The following TOM1L2 variants were observed in gnomAD, a reference collection of about 807,000 sequenced individuals.
TOM1L2 encodes target of myb1 like 2 membrane trafficking protein.
TOM1L2 carries 31 observed loss-of-function variants against 67.9 expected under a neutral mutation model. The ratio of observed to expected loss-of-function variants is 0.46; its 90% CI spans 0.34 to 0.62. TOM1L2 has a LOEUF of 0.62. Among genes scored for constraint, TOM1L2 ranks in the 20% least tolerant of loss-of-function variants. The probability of loss-of-function intolerance (pLI) is 0.01; values close to 1 mark genes in which losing one functional copy is unlikely to be tolerated. For synonymous variants in TOM1L2, 256 were observed against 254.0 expected (o/e 1.01, Z -0.07); for missense variants, 606 against 663.5 (o/e 0.91, Z 0.95).
intron 1 of TOM1L2, among the ~76,000 whole-genome samples, chr17:17,920,399 G>A (rs1019981562): frequency 5.6e-5 from 8 of 141,954 alleles, no homozygotes; most frequent in Non-Finnish European, 9.0e-5. Context: ...GGAGTGCAGT[G>A]GTACAATCTC....
intron 1 of TOM1L2, among the ~76,000 whole-genome samples, chr17:17,947,710 T>C (rs1333295696): frequency 1.3e-5 from 2 of 152,212 alleles, no homozygotes; most frequent in Non-Finnish European, 2.9e-5. Flanking sequence ...CTTTTAAAAA[T>C]AGGACTTCTA....
At chr17:17,856,764 T>C (rs2036273300) in intron 12 of TOM1L2, among the ~76,000 whole-genome samples, 1 of 152,212 alleles carries the variant, frequency 6.6e-6, no homozygotes, top group African/African-American at 2.4e-5. Flanking sequence ...GAAATGGTCA[T>C]CCCAAGACAT....
At chr17:17,948,576 C>T (rs1598392200) in intron 1 of TOM1L2, among the ~76,000 whole-genome samples, 1 of 152,220 alleles carries the variant, frequency 6.6e-6, no homozygotes. Flanking sequence ...GACTTGAACC[C>T]GGGAGGTGGA....
At chr17:17,925,910 C>A (rs1219238679) in intron 1 of TOM1L2, among the ~76,000 whole-genome samples, 1 of 150,860 alleles carries the variant, frequency 6.6e-6, no homozygotes, top group Non-Finnish European at 1.5e-5. Context: ...GTGCCTCATG[C>A]CCATAATCCC....
At position 17,897,810 on chromosome 17, in the gene TOM1L2, G is replaced by A. The variant is rs116437711; in HGVS notation, c.216+786C>T. Among the ~76,000 whole-genome samples the A allele has an allele frequency of 7.6e-3, 1,151 of 152,228 alleles. 14 individuals are homozygous for A. The highest frequency in any genetic ancestry group is 0.027 in the African/African-American group (1,105 of 41,524). ...TGAGCCTCAGTTTCATCATCTGTAC[G>A]GGGGAGGATAGTAAAATCTCTTTTG... On this transcript the variant is annotated intron_variant, in intron 3 of 14. Transcript: ENST00000379504.
At chr17:17,966,011 C>T (rs527614673) in intron 1 of TOM1L2, among the ~76,000 whole-genome samples, 8 of 152,234 alleles carry the variant, frequency 5.3e-5, no homozygotes, top group African/African-American at 1.9e-4. Flanking sequence ...ATCCCAGCTA[C>T]TTGGGAGGCT....
intron 1 of TOM1L2, among the ~76,000 whole-genome samples, chr17:17,922,959 C>A (rs1483231460): frequency 6.6e-6 from 1 of 152,120 alleles, no homozygotes; most frequent in African/African-American, 2.4e-5. Context: ...GGCCAGGCAC[C>A]AACTAGCCTG....
chr17:17,908,244 T>C (rs1053795541), intron 1 of TOM1L2, among the ~76,000 whole-genome samples: 1 of 152,164 alleles, frequency 6.6e-6, no homozygotes, highest in Non-Finnish European at 1.5e-5. Context: ...GAAAATTGGA[T>C]TGCCACATGC....
intron 1 of TOM1L2, among the ~76,000 whole-genome samples, chr17:17,919,424 A>G (rs887745172): frequency 6.6e-6 from 1 of 152,156 alleles, no homozygotes; most frequent in Non-Finnish European, 1.5e-5. Flanking sequence ...AAACCCTGGG[A>G]GCTCTAGCTT....
intron 2 of TOM1L2, among the ~76,000 whole-genome samples, chr17:17,901,296 G>C (rs1187070398): frequency 1.3e-5 from 2 of 152,228 alleles, no homozygotes; most frequent in African/African-American, 4.8e-5. Context: ...AGAGACAGAA[G>C]CATGTGTCAA....
intron 1 of TOM1L2, among the ~76,000 whole-genome samples, chr17:17,937,649 GAC>G (rs1341626454): frequency 3.9e-5 from 6 of 152,164 alleles, no homozygotes; most frequent in Non-Finnish European, 1.5e-5. Context: ...TTCTAAGGCT[GAC>G]AAACTGCTCA....
intron 1 of TOM1L2, among the ~76,000 whole-genome samples, chr17:17,952,596 T>C (rs12943087): frequency 6.6e-6 from 1 of 152,046 alleles, no homozygotes; most frequent in Non-Finnish European, 1.5e-5. Context: ...GGTCTTACTG[T>C]GTTGCCTAGG....
rs1261020499 is a variant in TOM1L2, at chr17:17,862,770, G to T, written c.1163C>A (p.Ala388Asp). The T allele has an allele frequency of 1.2e-6, 2 of 1,614,024 alleles. No individual in the cohort carries two copies. The highest frequency in any genetic ancestry group is 1.7e-6 in the Non-Finnish European group (2 of 1,180,032). Residue 388 changes from alanine (A) to aspartate (D), a missense_variant, in exon 11 of 15, where the codon GCC becomes GAC. Physicochemically the swap from Ala to Asp is moderately radical, Grantham distance 126. Coordinates refer to ENST00000379504, the MANE Select transcript of TOM1L2 (RefSeq NM_001082968.2). ...CNPRDGFDMF[A>D]QTRGNSLAEQ... ...AGCCAAGGAGTTTCCTCTCGTCTGG[G>T]CAAACATGTCAAAGCCGTCACGGGG...
At chr17:17,894,971 A>ATGCATGCATGCATGCATG (rs1482198508) in intron 3 of TOM1L2, among the ~76,000 whole-genome samples, 2 of 65,830 alleles carry the variant, frequency 3.0e-5, no homozygotes, top group Non-Finnish European at 1.2e-4. Context: ...ATACATACAT[A>ATGCATGCATGCATGCATG]CATACATGCA....
Position 17,884,738 on chromosome 17 carries a change from C to G in TOM1L2, c.397G>C (p.Asp133His). 5.0e-6 allele frequency: 8 copies of G among 1,613,768 alleles called. No individual in the cohort carries two copies. The highest frequency in any genetic ancestry group is 6.8e-6 in the Non-Finnish European group (8 of 1,180,038). The change falls in exon 5 of 15, where the codon GAT becomes CAT. Residue 133 changes from aspartate (D) to histidine (H), a missense_variant. Physicochemically the swap from Asp to His is moderately conservative, Grantham distance 81. Around this residue, in one of 2 missense-constraint regions of TOM1L2, gnomAD observed 543 missense variants for 554.0 expected, o/e 0.98. Transcript: ENST00000379504. Reference sequence around the variant, plus strand: ...TATATGTGCACAACGCCGGTGAGATCAGGACTGCTTCGAAAGGCATCAGCC... The same window carrying G: ...TATATGTGCACAACGCCGGTGAGATGAGGACTGCTTCGAAAGGCATCAGCC... ...AWADAFRSSP[D>H]LTGVVHIYEE...
chr17:17,892,342 C>G (rs920618622), intron 4 of TOM1L2, among the ~76,000 whole-genome samples: 1 of 152,196 alleles, frequency 6.6e-6, no homozygotes, highest in African/African-American at 2.4e-5. Context: ...CTTGCTGGAG[C>G]CCCACGCCCA....
At chr17:17,905,881 C>T (rs1197636478) in intron 2 of TOM1L2, among the ~76,000 whole-genome samples, 1 of 152,078 alleles carries the variant, frequency 6.6e-6, no homozygotes. Flanking sequence ...ATCTGGGTCC[C>T]CAGTATGTCG....
At chr17:17,949,518 GA>G (rs1292947766) in intron 1 of TOM1L2, among the ~76,000 whole-genome samples, 2 of 152,242 alleles carry the variant, frequency 1.3e-5, no homozygotes, top group African/African-American at 4.8e-5. Context: ...GTGGGTATAT[GA>G]AAAAAGTTAA....
chr17:17,899,031 ACT>A (rs1204288806), intron 2 of TOM1L2, among the ~76,000 whole-genome samples: 1 of 152,092 alleles, frequency 6.6e-6, no homozygotes, highest in Admixed American at 6.6e-5. Context: ...TAGGGAAGAG[ACT>A]CTCTAGAAAG....
Sources: allele counts gnomAD v4.1 joint callset (sites outside exome capture counted in the v4.1 genomes callset), GRCh38; gene constraint gnomAD v4.1.1; regional missense constraint gnomAD v4.1.1; transcripts MANE v1.5; gene names NCBI Gene and HGNC (gene_info 2026-07-23, HGNC 2026-07-21).